The following B4GALT3 variants were observed in gnomAD, a reference collection of about 807,000 sequenced individuals.
The protein encoded by B4GALT3 is N-acetyllactosamine synthase.
A neutral mutation model predicts 40.7 loss-of-function variants in B4GALT3; 29 were observed. The ratio of observed to expected loss-of-function variants is 0.71; its 90% CI spans 0.53 to 0.97. The LOEUF is 0.97. Ranked by LOEUF, B4GALT3 falls within the 50% of genes least tolerant of loss-of-function variation. The probability of loss-of-function intolerance (pLI) is 0.00; values close to 1 mark genes in which losing one functional copy is unlikely to be tolerated. For synonymous variants in B4GALT3, 182 were observed against 203.9 expected (o/e 0.89, Z 0.92); for missense variants, 390 against 522.3 (o/e 0.75, Z 2.47).
At chr1:161,177,273 G>C (rs1236254964) in intron 1 of B4GALT3, 150 bp downstream of exon 1, 1 of 591,676 alleles carries the variant, frequency 1.7e-6, no homozygotes, top group Non-Finnish European at 3.0e-6. Context: ...TACTAGCAAC[G>C]TGAGCCCGCC....
chr1:161,174,632 A>G (rs1322172058), intron 4 of B4GALT3, among the ~76,000 whole-genome samples: 2 of 152,208 alleles, frequency 1.3e-5, no homozygotes, highest in Non-Finnish European at 2.9e-5. Context: ...CAGATGGTAT[A>G]TTAGTTATCT....
Position 161,176,780 on chromosome 1 carries a change from C to T in B4GALT3, c.-160-201G>A, listed in dbSNP as rs1663699101. 1.1e-5 allele frequency: 15 copies of T among 1,375,302 alleles called. No homozygotes were observed. In the South Asian group the frequency reaches 1.5e-4, roughly 14 times the overall value. The allele number at this position is 1,375,302 out of a possible 1,614,324, so 85.2% of individuals were successfully genotyped here. On this transcript the variant is annotated intron_variant, in intron 1 of 7. Coordinates refer to ENST00000319769, the MANE Select transcript of B4GALT3 (RefSeq NM_003779.4). ...AGGTTCATACTTAACCACCCCCGTACCCCCACCCCAACAGGACAGATTGGG... is the reference window on the plus strand; with the variant it reads ...AGGTTCATACTTAACCACCCCCGTATCCCCACCCCAACAGGACAGATTGGG...
At chr1:161,177,134 G>A in intron 1 of B4GALT3, 3 of 1,477,424 alleles carry the variant, frequency 2.0e-6, no homozygotes, top group Non-Finnish European at 2.7e-6. Flanking sequence ...GGGAGAGCAG[G>A]GGCAGAGACA....
In B4GALT3 at chr1:161,174,402, C is replaced by CA. The variant is rs554703903; in HGVS notation, c.490-354dup. Among the ~76,000 whole-genome samples, 321 of 55,272 alleles carry CA rather than the reference C, an allele frequency of 5.8e-3. 1 individual carries two copies. The highest frequency in any genetic ancestry group is 0.012 in the African/African-American group (173 of 14,958). 36.3% of individuals were successfully genotyped at this position (55,272 alleles called of 152,430 possible). A position where few individuals can be genotyped will look rare whatever the true frequency, so the allele number is the denominator to read the frequency against. ...CAGCCTGGGGGACAGAGTGAGATCT[C>CA]AAAAAAAAAAAAAAAGAAAAAAAAG... On this transcript the variant is annotated intron_variant, in intron 4 of 7. Coordinates refer to ENST00000319769, the MANE Select transcript of B4GALT3 (RefSeq NM_003779.4).
intron 1 of B4GALT3, 116 bp downstream of exon 1, chr1:161,177,307 T>C (rs1663995758): frequency 9.0e-6 from 5 of 553,394 alleles, no homozygotes; most frequent in Admixed American, 3.1e-5. Flanking sequence ...TACTTCCACC[T>C]AGGACCCCGT....
chr1:161,176,163 G>A (rs1663436922), intron 2 of B4GALT3, 89 bp from the exon 3 acceptor site: 2 of 1,403,406 alleles, frequency 1.4e-6, no homozygotes, highest in African/African-American at 2.9e-5. Flanking sequence ...GTGATGCCAG[G>A]GGTAAAGAGG....
chr1:161,176,222 A>G, intron 2 of B4GALT3, 148 bp from the exon 3 acceptor site: 8 of 861,838 alleles, frequency 9.3e-6, no homozygotes, highest in Non-Finnish European at 1.4e-5. Flanking sequence ...GTGCACAGTC[A>G]CGCAAGGAAA....
At chr1:161,174,605 A>G (rs546217544) in intron 4 of B4GALT3, among the ~76,000 whole-genome samples, 8 of 152,238 alleles carry the variant, frequency 5.3e-5, no homozygotes, top group Admixed American at 1.3e-4. Context: ...GGCAACCAAC[A>G]ATGGTGTGGT....
chr1:161,175,129 C>T lies in B4GALT3; in HGVS notation c.353G>A (p.Gly118Asp), dbSNP rs778306998. Residue 118 changes from glycine to aspartate, a missense_variant, in exon 4 of 8, where the codon GGT (glycine) becomes GAT (aspartate). Gly to Asp is a moderately conservative substitution (Grantham distance 94). Around this residue, in one of 3 missense-constraint regions of B4GALT3, gnomAD observed 183 missense variants for 223.2 expected, o/e 0.82. Transcript: ENST00000319769. ...VEPGGRYRPAGCEPRSRTAII... is the reference protein window; with the variant it reads ...VEPGGRYRPADCEPRSRTAII... ...GGCTGTTCGGGAGCGGGGCTCACAACCTGCAGGGCGGTACCGGCCCCCTGG... is the reference window on the plus strand; with the variant it reads ...GGCTGTTCGGGAGCGGGGCTCACAATCTGCAGGGCGGTACCGGCCCCCTGG... 3.7e-6 allele frequency: 6 copies of T among 1,613,914 alleles called. No homozygotes were observed. The highest frequency in any genetic ancestry group is 1.7e-4 in the Middle Eastern group (1 of 6,058).
At chr1:161,175,713 G>T in intron 3 of B4GALT3, 95 bp downstream of exon 3, 1 of 1,536,348 alleles carries the variant, frequency 6.5e-7, no homozygotes, top group Non-Finnish European at 8.8e-7. Context: ...CCTCTTCTAA[G>T]TTCCACTTCT....
At chr1:161,174,823 AG>A in intron 4 of B4GALT3, 169 bp downstream of exon 4, 1 of 669,310 alleles carries the variant, frequency 1.5e-6, no homozygotes, top group Non-Finnish European at 2.6e-6. Flanking sequence ...ATTAAGGAAA[AG>A]TATGGGACTA....
Position 161,171,522 on chromosome 1 carries a change from TG to T in B4GALT3, c.*293del. 1 of 579,048 alleles carries T rather than the reference TG, an allele frequency of 1.7e-6. No individual in the cohort carries two copies. Among genetic ancestry groups the T allele is most frequent in the East Asian group, 3.0e-5 (1 of 33,190 alleles). 35.9% of individuals were successfully genotyped at this position (579,048 alleles called of 1,614,324 possible). A position where few individuals can be genotyped will look rare whatever the true frequency, so the allele number is the denominator to read the frequency against. ...TCTCTCCATGGAAGAGGGAGGGGCT[TG>T]GGGTCCAGCCCTGCTCCTACTCTAG... On this transcript the variant is annotated 3_prime_UTR_variant, in exon 8 of 8. Coordinates refer to ENST00000319769, the MANE Select transcript of B4GALT3 (RefSeq NM_003779.4).
chr1:161,174,972 T>G, intron 4 of B4GALT3, 21 bp downstream of exon 4: 1 of 1,608,346 alleles, frequency 6.2e-7, no homozygotes, highest in Non-Finnish European at 8.5e-7. Flanking sequence ...TCAGTCAAAA[T>G]GAGGTGGAGA....
Position 161,177,057 on chromosome 1 carries a change from C to T in B4GALT3, c.-161+366G>A, listed in dbSNP as rs371058941. 6.3e-5 allele frequency: 97 copies of T among 1,535,906 alleles called. No homozygotes were observed. In the East Asian group the frequency reaches 1.1e-3, roughly 17 times the overall value. ...AGTAGGGTGGGGGTGGCGTCCTCTACCTTTTCTACCTTTCCCCTCTTCTAG... is the reference window on the plus strand; with the variant it reads ...AGTAGGGTGGGGGTGGCGTCCTCTATCTTTTCTACCTTTCCCCTCTTCTAG... On this transcript the variant is annotated intron_variant, in intron 1 of 7. Transcript: ENST00000319769.
chr1:161,174,955 A>G (rs948158641), intron 4 of B4GALT3, 38 bp downstream of exon 4: 11 of 1,598,426 alleles, frequency 6.9e-6, no homozygotes, highest in Non-Finnish European at 9.4e-6. Flanking sequence ...GCTTCCTTAG[A>G]AGAAAGTCAG....
At chr1:161,177,523 A>G (rs1664078672), upstream of B4GALT3, 1 of 169,756 alleles carries the variant, frequency 5.9e-6, no homozygotes, top group East Asian at 1.6e-4. Context: ...GTCTCGCGTC[A>G]TGGGGCGGGG....
chr1:161,174,357 G>A lies in B4GALT3; in HGVS notation c.490-308C>T, dbSNP rs1045208224. ...CGGGAGGTGGAGCTTGCAGTCAGCC[G>A]AGATCGTGCCACTGCACTCCAGCCT... On this transcript the variant is annotated intron_variant, in intron 4 of 7. Transcript: ENST00000319769. Among the ~76,000 whole-genome samples, 6 of 149,166 alleles carry A rather than the reference G, an allele frequency of 4.0e-5. No individual in the cohort carries two copies. In the East Asian group the frequency reaches 7.8e-4, roughly 19 times the overall value.
In B4GALT3 at chr1:161,175,091, G is replaced by A; in HGVS notation, c.391C>T (p.His131Tyr). The change falls in exon 4 of 8, where the codon CAT becomes TAT. Residue 131 changes from histidine (H) to tyrosine (Y), a missense_variant. Around this residue, in one of 3 missense-constraint regions of B4GALT3, gnomAD observed 183 missense variants for 223.2 expected, o/e 0.82. Transcript: ENST00000319769. Reference protein sequence around the residue: ...PRSRTAIIVPHRAREHHLRLL... With the variant: ...PRSRTAIIVPYRAREHHLRLL... The stretch of plus-strand genomic sequence containing the variant: ...CGCAGGTGGTGCTCCCGGGCACGAT[G>A]AGGCACAATGATGGCTGTTCGGGAG... 1.9e-6 allele frequency: 3 copies of A among 1,614,076 alleles called. No individual in the cohort carries two copies. The highest frequency in any genetic ancestry group is 2.5e-6 in the Non-Finnish European group (3 of 1,179,928).
Position 161,175,866 on chromosome 1 carries a change from T to C in B4GALT3, c.195A>G (p.Pro65=). ...GACCTTGAGGAGCTGGAGGACCCCC[T>C]GGGGCCCCAGGCAGGTGACTGAGGT... ...YSNLSHLPGA[P]GGPPAPQGLP... is the part of the protein sequence containing the mutation. The change falls in exon 3 of 8, where the codon CCA becomes CCG. Residue 65 remains proline, a synonymous_variant. Coordinates refer to ENST00000319769, the MANE Select transcript of B4GALT3 (RefSeq NM_003779.4). 1 of 1,614,068 alleles carries C rather than the reference T, an allele frequency of 6.2e-7. No homozygotes were observed. Among genetic ancestry groups the C allele is most frequent in the Non-Finnish European group, 8.5e-7 (1 of 1,180,020 alleles).
Sources: gnomAD v4.1 joint callset for allele counts (sites outside exome capture counted in the v4.1 genomes callset) on GRCh38, gnomAD v4.1.1 for gene constraint, gnomAD v4.1.1 regional missense constraint, MANE v1.5 for transcripts, NCBI Gene and HGNC (gene_info 2026-07-23, HGNC 2026-07-21) for gene names.